The following SERTM1 variants were observed in gnomAD, a reference collection of about 807,000 sequenced individuals.
SERTM1 encodes the protein serine rich and transmembrane domain containing 1.
In SERTM1, 1 loss-of-function variant was observed where a neutral mutation model predicts 5.5. The observed-to-expected ratio is 0.18, with a 90% CI of 0.06 to 0.86. SERTM1 has a LOEUF of 0.86. SERTM1 is among the 40% of genes least tolerant of loss of function. The pLI is 0.69. For missense variants in SERTM1, 91 were observed against 122.4 expected (o/e 0.74, Z 1.21); for synonymous variants, 52 against 55.1 (o/e 0.94, Z 0.25).
intron 1 of SERTM1, among the ~76,000 whole-genome samples, chr13:36,683,806 G>A (rs1384901711): frequency 6.6e-6 from 1 of 152,138 alleles, no homozygotes; most frequent in Non-Finnish European, 1.5e-5. Context: ...GAAATCCTAC[G>A]ACAGGCCTAC....
At chr13:36,692,778 G>A (rs2056787272) in intron 1 of SERTM1, among the ~76,000 whole-genome samples, 2 of 152,178 alleles carry the variant, frequency 1.3e-5, no homozygotes, top group Admixed American at 6.5e-5. Context: ...ATTATCCAAA[G>A]CATAATTTTT....
At chr13:36,686,273 T>G (rs2056740864) in intron 1 of SERTM1, among the ~76,000 whole-genome samples, 1 of 152,230 alleles carries the variant, frequency 6.6e-6, no homozygotes, top group Admixed American at 6.5e-5. Context: ...GAGCTGATGG[T>G]AGCAGCAAGT....
chr13:36,683,939 G>C (rs528063726), intron 1 of SERTM1, among the ~76,000 whole-genome samples: 47 of 152,342 alleles, frequency 3.1e-4, no homozygotes, highest in Admixed American at 2.5e-3. Context: ...TTTGGAGACG[G>C]AGAGATGTAG....
chr13:36,678,015 G>A (rs2056680598), intron 1 of SERTM1, among the ~76,000 whole-genome samples: 1 of 152,096 alleles, frequency 6.6e-6, no homozygotes, highest in Non-Finnish European at 1.5e-5. Flanking sequence ...CATTTCAAAG[G>A]TTTGTGTTAA....
At chr13:36,694,715 A>G (rs1365015487) in intron 1 of SERTM1, among the ~76,000 whole-genome samples, 191 bp from the exon 2 acceptor site, 1 of 152,232 alleles carries the variant, frequency 6.6e-6, no homozygotes, top group Non-Finnish European at 1.5e-5. Context: ...CTGTAGACAG[A>G]AAATAAACGT....
intron 1 of SERTM1, among the ~76,000 whole-genome samples, chr13:36,684,911 CTATCTT>C (rs2138089825): frequency 6.6e-6 from 1 of 152,262 alleles, no homozygotes; most frequent in Admixed American, 6.5e-5. Flanking sequence ...GAATGTGTAA[CTATCTT>C]CTATAGGTCA....
At chr13:36,683,876 T>C (rs1435948825) in intron 1 of SERTM1, among the ~76,000 whole-genome samples, 1 of 152,168 alleles carries the variant, frequency 6.6e-6, no homozygotes, top group African/African-American at 2.4e-5. Flanking sequence ...CTCAAATACA[T>C]TCCTCCTCAA....
intron 1 of SERTM1, among the ~76,000 whole-genome samples, chr13:36,683,403 T>A (rs1481520157): frequency 6.6e-6 from 1 of 152,204 alleles, no homozygotes; most frequent in Non-Finnish European, 1.5e-5. Context: ...TTTGACTTAT[T>A]TATGGTCAAA....
At chr13:36,694,678 C>G (rs757637244) in intron 1 of SERTM1, among the ~76,000 whole-genome samples, 5 of 152,156 alleles carry the variant, frequency 3.3e-5, no homozygotes, top group Non-Finnish European at 5.9e-5. Flanking sequence ...ATCTTCAGCT[C>G]CTTGTAGAAA....
At chr13:36,687,221 G>A (rs187724313) in intron 1 of SERTM1, among the ~76,000 whole-genome samples, 7 of 152,278 alleles carry the variant, frequency 4.6e-5, no homozygotes, top group Admixed American at 6.5e-5. Context: ...GTCATTAAGC[G>A]AAAGACTCTG....
intron 1 of SERTM1, among the ~76,000 whole-genome samples, chr13:36,680,448 C>G (rs574879945): frequency 3.3e-5 from 5 of 152,272 alleles, no homozygotes; most frequent in African/African-American, 1.2e-4. Context: ...CTGCCTTCCT[C>G]TTGTTAGCCA....
intron 1 of SERTM1, among the ~76,000 whole-genome samples, chr13:36,690,577 A>C (rs116783176): frequency 6.6e-6 from 1 of 152,206 alleles, no homozygotes; most frequent in Admixed American, 6.5e-5. Context: ...AAAAGAGAAG[A>C]TAATCATGCA....
chr13:36,690,253 T>C (rs1457754854), intron 1 of SERTM1, among the ~76,000 whole-genome samples: 1 of 152,174 alleles, frequency 6.6e-6, no homozygotes, highest in Non-Finnish European at 1.5e-5. Flanking sequence ...GTGGCTTTGG[T>C]TTTTATCATG....
chr13:36,694,447 A>G (rs2056799677), intron 1 of SERTM1, among the ~76,000 whole-genome samples: 1 of 152,248 alleles, frequency 6.6e-6, no homozygotes, highest in Non-Finnish European at 1.5e-5. Flanking sequence ...AACATTCGAT[A>G]AAAAGCAAAC....
chr13:36,694,964 A>G lies in SERTM1; in HGVS notation c.-115A>G, dbSNP rs1433800545. 2 of 741,844 alleles carry G rather than the reference A, an allele frequency of 2.7e-6. No individual in the cohort carries two copies. Among genetic ancestry groups the G allele is most frequent in the African/African-American group, 1.8e-5 (1 of 57,072 alleles). 46.0% of individuals were successfully genotyped at this position (741,844 alleles called of 1,614,324 possible). ...GAAACAAGTTTTGTTGTGCTGATTT[A>G]ACAGCCTGTGAATTCTGCAAACACG... On this transcript the variant is annotated 5_prime_UTR_variant, in exon 2 of 2. Transcript: ENST00000315190.
intron 1 of SERTM1, among the ~76,000 whole-genome samples, chr13:36,689,096 T>C (rs2056760607): frequency 6.6e-6 from 1 of 152,226 alleles, no homozygotes; most frequent in Non-Finnish European, 1.5e-5. Context: ...AAATTACCCA[T>C]TTAGCTATAC....
At chr13:36,680,129 A>T (rs1356226875) in intron 1 of SERTM1, among the ~76,000 whole-genome samples, 1 of 152,202 alleles carries the variant, frequency 6.6e-6, no homozygotes, top group Non-Finnish European at 1.5e-5. Context: ...TGGATAAGGG[A>T]TAAGGGATAC....
At chr13:36,674,775 C>T (rs546347653) in intron 1 of SERTM1, among the ~76,000 whole-genome samples, 1 of 152,220 alleles carries the variant, frequency 6.6e-6, no homozygotes, top group East Asian at 1.9e-4. Flanking sequence ...GTCTTTTCGC[C>T]CGTCTTAGGG....
In SERTM1 at chr13:36,695,122, A is replaced by C. The variant is rs751559299; in HGVS notation, c.44A>C (p.Glu15Ala). The C allele has an allele frequency of 5.0e-6, 8 of 1,614,158 alleles. No homozygotes were observed. Among genetic ancestry groups the C allele is most frequent in the Non-Finnish European group, 6.8e-6 (8 of 1,180,008 alleles). ...TCCTCAGGATTTTCGGGAAGTGTGG[A>C]GAATGGAACTTTTCTTGAGCTGTTT... is the stretch of plus-strand genomic sequence containing the variant. ...DTSSGFSGSV[E>A]NGTFLELFPT... The change falls in exon 2 of 2, where the codon GAG becomes GCG. Residue 15 changes from glutamate (E) to alanine (A), a missense_variant. Coordinates refer to ENST00000315190, the MANE Select transcript of SERTM1 (RefSeq NM_203451.3).
Sources: gnomAD v4.1 joint callset for allele counts (sites outside exome capture counted in the v4.1 genomes callset) on GRCh38, gnomAD v4.1.1 for gene constraint, MANE v1.5 for transcripts, NCBI Gene and HGNC (gene_info 2026-07-23, HGNC 2026-07-21) for gene names.